The following UNC79 variants were observed in gnomAD, a reference collection of about 807,000 sequenced individuals.
UNC79 encodes unc-79 subunit of NALCN channel complex.
In UNC79, 37 loss-of-function variants were observed where a neutral mutation model predicts 283.1. That is an observed-to-expected ratio of 0.13 (90% CI 0.10 to 0.17). UNC79 has a LOEUF of 0.17. Ranked by LOEUF, UNC79 falls within the 10% of genes least tolerant of loss-of-function variation. The pLI, the probability that UNC79 is intolerant of heterozygous loss-of-function variation, is 1.00. For missense variants in UNC79, 2,272 were observed against 3,211.1 expected, an observed-to-expected ratio of 0.71 and a Z score of 7.07; for synonymous variants, 1,107 against 1,200.2, an observed-to-expected ratio of 0.92 and a Z score of 1.61.
Position 93,621,966 on chromosome 14 carries a change from T to C in UNC79, c.4733T>C (p.Ile1578Thr), listed in dbSNP as rs1436775505. The C allele has an allele frequency of 5.6e-6, 9 of 1,613,928 alleles. No homozygotes were observed. The change falls in exon 30 of 49, where the codon ATA (isoleucine) becomes ACA (threonine). Residue 1578 changes from isoleucine to threonine, a missense_variant. By Grantham distance (89) the Ile-to-Thr change is moderately conservative. Around this residue, in one of 11 missense-constraint regions of UNC79, gnomAD observed 580 missense variants for 632.2 expected, o/e 0.92. Coordinates refer to ENST00000555664, the Ensembl canonical transcript of UNC79. The surrounding 1 kb of genome is among the most constrained non-coding windows in gnomAD (Gnocchi z 4.8). ...TTTCCAGATGCTCGAAGGCCTGTCATACCAGAGGTTAGGTTAAACTGTATG... is the reference window on the plus strand; with the variant it reads ...TTTCCAGATGCTCGAAGGCCTGTCACACCAGAGGTTAGGTTAAACTGTATG...
chr14:93,665,094 A>G (rs2072030506), intron 40 of UNC79, among the ~76,000 whole-genome samples: 1 of 151,216 alleles, frequency 6.6e-6, no homozygotes, highest in South Asian at 2.1e-4. Flanking sequence ...TATACTTTAA[A>G]TGATATGCAT....
chr14:93,635,679 C>T (rs2068451003), intron 31 of UNC79, among the ~76,000 whole-genome samples: 1 of 152,036 alleles, frequency 6.6e-6, no homozygotes, highest in Admixed American at 6.6e-5. Context: ...CACAGCATAC[C>T]CAATCTCACA....
At chr14:93,528,928 A>G (rs920156739) in intron 9 of UNC79, among the ~76,000 whole-genome samples, 1 of 152,208 alleles carries the variant, frequency 6.6e-6, no homozygotes, top group African/African-American at 2.4e-5. Context: ...GCCACAGAGA[A>G]AAACAGATGT....
intron 3 of UNC79, among the ~76,000 whole-genome samples, chr14:93,475,762 C>A: frequency 6.6e-6 from 1 of 152,242 alleles, no homozygotes; most frequent in East Asian, 1.9e-4. Context: ...ATCTTCAAAG[C>A]CCCTTGATTA....
chr14:93,554,122 G>C (rs1378841191), intron 14 of UNC79, among the ~76,000 whole-genome samples: 1 of 152,054 alleles, frequency 6.6e-6, no homozygotes, highest in Non-Finnish European at 1.5e-5. Context: ...AGGCCGAGTG[G>C]GCAGATCACG....
intron 41 of UNC79, among the ~76,000 whole-genome samples, chr14:93,680,177 C>T (rs898070443): frequency 1.3e-5 from 2 of 152,196 alleles, no homozygotes; most frequent in African/African-American, 4.8e-5. Context: ...GATCCAACCT[C>T]AGATCTTGAC....
At chr14:93,491,973 C>G (rs1487460089) in intron 5 of UNC79, among the ~76,000 whole-genome samples, 1 of 152,188 alleles carries the variant, frequency 6.6e-6, no homozygotes. Flanking sequence ...GGTCATGGTT[C>G]TGTTGTTTGA....
chr14:93,340,524 A>G (rs958059467), intron 1 of UNC79, among the ~76,000 whole-genome samples: 4 of 151,284 alleles, frequency 2.6e-5, no homozygotes, highest in Non-Finnish European at 5.9e-5. Context: ...GTAGTTTACA[A>G]TCTGTTTATA....
At chr14:93,625,662 AT>A (rs139753225) in intron 30 of UNC79, among the ~76,000 whole-genome samples, 7,677 of 152,130 alleles carry the variant, frequency 0.05, 331 homozygotes, top group African/African-American at 0.11. Flanking sequence ...TGATCCAAGT[AT>A]TTTTTTGCTG....
intron 14 of UNC79, among the ~76,000 whole-genome samples, chr14:93,558,383 C>T (rs976719138): frequency 7.2e-5 from 11 of 151,978 alleles, no homozygotes; most frequent in African/African-American, 2.4e-4. Flanking sequence ...GGTGAAACCC[C>T]GTCTCTACTA....
At chr14:93,483,794 G>A (rs1182842255) in intron 4 of UNC79, among the ~76,000 whole-genome samples, 1 of 151,634 alleles carries the variant, frequency 6.6e-6, no homozygotes, top group Non-Finnish European at 1.5e-5. Flanking sequence ...GCGGTGTTTG[G>A]TTTTCTGTCC....
At chr14:93,374,749 G>A (rs188620310) in intron 1 of UNC79, among the ~76,000 whole-genome samples, 61 of 152,248 alleles carry the variant, frequency 4.0e-4, no homozygotes, top group South Asian at 6.2e-4. Context: ...GTCTAACTAC[G>A]TTATGCAAGC....
chr14:93,562,461 C>T (rs1007850703), intron 14 of UNC79, among the ~76,000 whole-genome samples: 7 of 152,168 alleles, frequency 4.6e-5, no homozygotes, highest in African/African-American at 9.7e-5. Context: ...GGGCTGTACC[C>T]TGTAGCATCT....
chr14:93,425,400 A>T (rs1042191810), upstream of UNC79, among the ~76,000 whole-genome samples: 1 of 152,218 alleles, frequency 6.6e-6, no homozygotes, highest in African/African-American at 2.4e-5. Flanking sequence ...TTGGGTGGGG[A>T]TGCAGTAGGC....
chr14:93,572,542 T>C, intron 15 of UNC79, 151 bp from the exon 16 acceptor site: 1 of 1,117,682 alleles, frequency 8.9e-7, no homozygotes, highest in East Asian at 2.4e-5. Flanking sequence ...TCTCTTACAG[T>C]AAAGTGAAAT....
intron 1 of UNC79, among the ~76,000 whole-genome samples, chr14:93,371,462 G>A (rs61991748): frequency 6.6e-6 from 1 of 151,980 alleles, no homozygotes; most frequent in East Asian, 1.9e-4. Context: ...CAACACTTAG[G>A]CACACTGTTT....
rs1280791199 is a variant in UNC79, at chr14:93,672,499, A to G, written c.6637-852A>G. On this transcript the variant is annotated intron_variant, in intron 40 of 48. Transcript: ENST00000555664. Reference sequence around the variant, plus strand: ...GGAGGTAGAGTGTGGAAGGATAGCTACCAGAGGCTGGGAAGGGTGTGTGTG... The same window carrying G: ...GGAGGTAGAGTGTGGAAGGATAGCTGCCAGAGGCTGGGAAGGGTGTGTGTG... Among the ~76,000 whole-genome samples the G allele has an allele frequency of 3.9e-5, 6 of 152,196 alleles. No individual in the cohort carries two copies. The South Asian group carries it at 8.3e-4, about 21-fold the overall frequency.
exon 12 of UNC79, chr14:93,538,164 A>G (rs567484071): frequency 1.9e-6 from 3 of 1,613,652 alleles, no homozygotes; most frequent in Non-Finnish European, 2.5e-6. Context: ...CCGCCCATCA[A>G]CACGCGGGAA....
chr14:93,633,554 T>G (rs776745116), intron 31 of UNC79, among the ~76,000 whole-genome samples: 2 of 152,134 alleles, frequency 1.3e-5, no homozygotes, highest in Non-Finnish European at 2.9e-5. Context: ...GTTTTTCTTA[T>G]AACACAGAGA....
Sources: gnomAD v4.1 joint callset for allele counts (sites outside exome capture counted in the v4.1 genomes callset) on GRCh38, gnomAD v4.1.1 for gene constraint, gnomAD v4.1.1 regional missense constraint, Gnocchi (gnomAD v3.1) non-coding constraint, MANE v1.5 for transcripts, NCBI Gene and HGNC (gene_info 2026-07-23, HGNC 2026-07-21) for gene names.